Variants in TMLHE observed in about 807,000 individuals in gnomAD.
The protein encoded by TMLHE is trimethyllysine hydroxylase, epsilon.
In TMLHE, 18 loss-of-function variants were observed where a neutral mutation model predicts 25.7. That is an observed-to-expected ratio of 0.70 (90% CI 0.48 to 1.04). The LOEUF (loss-of-function observed/expected upper bound fraction) is 1.04. Among genes scored for constraint, TMLHE ranks in the 50% least tolerant of loss-of-function variants. The probability of loss-of-function intolerance (pLI) is 0.00; values close to 1 mark genes in which losing one functional copy is unlikely to be tolerated. For synonymous variants in TMLHE, 105 were observed against 97.0 expected, an observed-to-expected ratio of 1.08 and a Z score of -0.49; for missense variants, 236 against 259.0, an observed-to-expected ratio of 0.91 and a Z score of 0.61.
Position 155,569,415 on chromosome X carries a change from G to T in TMLHE, c.-1-24138C>A, listed in dbSNP as rs1557342743. ...AACCAAGTTGGAAAACATTCTGCAG[G>T]ATATTATCCAGGAGAACTTCCCCAG... On this transcript the variant is annotated intron_variant, in intron 1 of 7. Transcript: ENST00000334398. Among the ~76,000 whole-genome samples the T allele has an allele frequency of 5.2e-5, 3 of 57,515 alleles. 1 individual carries two copies. The highest frequency in any genetic ancestry group is 4.0e-4 in the Admixed American group (2 of 5,008). 49.9% of individuals were successfully genotyped at this position (57,515 alleles called of 115,157 possible).
intron 5 of TMLHE, 103 bp downstream of exon 5, chrX:155,511,570 G>A (rs1407861777): frequency 3.7e-6 from 3 of 800,154 alleles, no homozygotes; most frequent in African/African-American, 4.2e-5. Context: ...AAATCTGCAG[G>A]AGCAGATATG....
chrX:155,558,684 C>T (rs782665010), intron 1 of TMLHE, among the ~76,000 whole-genome samples: 1 of 111,885 alleles, frequency 8.9e-6, no homozygotes, highest in East Asian at 2.8e-4. Context: ...GTAGGGTATA[C>T]AGCAGATCAT....
At chrX:155,577,659 A>C (rs782010715) in intron 1 of TMLHE, among the ~76,000 whole-genome samples, 2 of 111,593 alleles carry the variant, frequency 1.8e-5, no homozygotes, top group Admixed American at 1.9e-4. Flanking sequence ...ATAGTGGCTG[A>C]TTAGATGTAG....
At chrX:155,560,016 T>G (rs1209330918) in intron 1 of TMLHE, among the ~76,000 whole-genome samples, 1 of 112,780 alleles carries the variant, frequency 8.9e-6, no homozygotes, top group Non-Finnish European at 1.9e-5. Context: ...GTGCATAACC[T>G]TATTAGTGCA....
intron 2 of TMLHE, among the ~76,000 whole-genome samples, chrX:155,532,624 G>T (rs1199340943): frequency 1.8e-5 from 2 of 109,926 alleles, no homozygotes; most frequent in Non-Finnish European, 3.8e-5. Context: ...GTGCCCTACA[G>T]TTGGAGTTCT....
intron 4 of TMLHE, among the ~76,000 whole-genome samples, chrX:155,512,319 TCC>T (rs782820164): frequency 2.3e-5 from 2 of 87,605 alleles, no homozygotes; most frequent in Non-Finnish European, 4.3e-5. Context: ...CCTCCCCCCT[TCC>T]CCCCACCCCA....
chrX:155,541,887 G>T (rs1396845184), intron 2 of TMLHE, among the ~76,000 whole-genome samples: 1 of 110,238 alleles, frequency 9.1e-6, no homozygotes, highest in Non-Finnish European at 1.9e-5. Context: ...CTTTTTGATG[G>T]GGTTGTTTTT....
chrX:155,562,642 A>G lies in TMLHE; in HGVS notation c.-1-17365T>C, dbSNP rs781923886. 3.2e-5 allele frequency among the ~76,000 whole-genome samples: 2 copies of G among 62,039 alleles called. 1 individual carries two copies. The highest frequency in any genetic ancestry group is 1.4e-3 in the East Asian group (2 of 1,394). The allele number at this position is 62,039 out of a possible 115,157, so 53.9% of individuals were successfully genotyped here. A position where few individuals can be genotyped will look rare whatever the true frequency, so the allele number is the denominator to read the frequency against. Reference sequence around the variant, plus strand: ...TCTATGCTCTGCTTCCCTTTTACATATAAGTTCCAATTTCAGACCATTTCT... The same window carrying G: ...TCTATGCTCTGCTTCCCTTTTACATGTAAGTTCCAATTTCAGACCATTTCT... On this transcript the variant is annotated intron_variant, in intron 1 of 7. Transcript: ENST00000334398.
chrX:155,571,529 C>A lies in TMLHE; in HGVS notation c.-1-26252G>T, dbSNP rs1386363245. On this transcript the variant is annotated intron_variant, in intron 1 of 7. Coordinates refer to ENST00000334398, the MANE Select transcript of TMLHE (RefSeq NM_018196.4). ...TACCAAAGCCGGGCAGAGACACAAC[C>A]AAAAAAGAGAATTTTAGACCAATAT... Among the ~76,000 whole-genome samples the A allele has an allele frequency of 1.4e-4, 7 of 49,496 alleles. 1 individual carries two copies. Among genetic ancestry groups the A allele is most frequent in the African/African-American group, 3.4e-4 (7 of 20,669 alleles). 43.0% of individuals were successfully genotyped at this position (49,496 alleles called of 115,157 possible). A position where few individuals can be genotyped will look rare whatever the true frequency, so the allele number is the denominator to read the frequency against.
chrX:155,523,077 TACTA>T (rs1289050449), intron 3 of TMLHE, among the ~76,000 whole-genome samples: 1 of 111,904 alleles, frequency 8.9e-6, no homozygotes, highest in Admixed American at 9.5e-5. Flanking sequence ...CTCATTGTGA[TACTA>T]ACTTTCATTT....
intron 2 of TMLHE, among the ~76,000 whole-genome samples, chrX:155,535,477 G>A (rs1296842867): frequency 9.0e-6 from 1 of 111,405 alleles, no homozygotes; most frequent in African/African-American, 3.3e-5. Context: ...TCCATCATGA[G>A]GACTCCACCC....
chrX:155,593,488 C>A (rs1228176879), intron 1 of TMLHE, among the ~76,000 whole-genome samples: 1 of 111,711 alleles, frequency 9.0e-6, no homozygotes, highest in African/African-American at 3.3e-5. Context: ...GTGGTTGCCT[C>A]CTCAAATGTA....
chrX:155,603,767 AAC>A (rs2067771126), intron 1 of TMLHE, among the ~76,000 whole-genome samples: 1 of 112,373 alleles, frequency 8.9e-6, no homozygotes, highest in African/African-American at 3.2e-5. Context: ...TACACAAAAT[AAC>A]ACAGAATGAA....
At chrX:155,548,958 G>C (rs1557339550) in intron 1 of TMLHE, among the ~76,000 whole-genome samples, 2 of 110,652 alleles carry the variant, frequency 1.8e-5, no homozygotes, top group Non-Finnish European at 3.8e-5. Context: ...ACAATAGCAA[G>C]TATAGAGGTC....
intron 1 of TMLHE, among the ~76,000 whole-genome samples, chrX:155,551,922 C>G (rs994991740): frequency 2.7e-5 from 3 of 109,719 alleles, no homozygotes; most frequent in African/African-American, 6.8e-5. Context: ...ACTTTTTATT[C>G]CTAGTTTGCT....
At chrX:155,591,512 TA>T (rs1283125148) in intron 1 of TMLHE, among the ~76,000 whole-genome samples, 3 of 112,060 alleles carry the variant, frequency 2.7e-5, no homozygotes, top group East Asian at 5.5e-4. Context: ...GAATCAATAG[TA>T]GAAAGAAATT....
chrX:155,554,733 G>T, intron 1 of TMLHE, among the ~76,000 whole-genome samples: 1 of 109,808 alleles, frequency 9.1e-6, no homozygotes, highest in South Asian at 3.9e-4. Context: ...TTCCCCTGGA[G>T]TGTGAGAGGG....
At chrX:155,586,169 G>A (rs1225229396) in intron 1 of TMLHE, among the ~76,000 whole-genome samples, 1 of 108,136 alleles carries the variant, frequency 9.2e-6, no homozygotes, top group Non-Finnish European at 1.9e-5. Flanking sequence ...AGAGGTTGCA[G>A]TGAGTGAGAT....
intron 3 of TMLHE, 82 bp downstream of exon 3, chrX:155,524,374 G>T (rs1438458709): frequency 2.3e-6 from 2 of 868,901 alleles, no homozygotes; most frequent in Non-Finnish European, 3.0e-6. Flanking sequence ...ACCTATTTTT[G>T]AAAGGAACAA....
Sources: allele counts gnomAD v4.1 joint callset (sites outside exome capture counted in the v4.1 genomes callset), GRCh38; gene constraint gnomAD v4.1.1; transcripts MANE v1.5; gene names NCBI Gene and HGNC (gene_info 2026-07-23, HGNC 2026-07-21).